TRAK1: variants seen among roughly 807,000 people sequenced by gnomAD.
TRAK1 encodes the protein trafficking kinesin-binding protein 1.
TRAK1 carries 33 observed loss-of-function variants against 92.1 expected under a neutral mutation model. That is an observed-to-expected ratio of 0.36 (90% CI 0.27 to 0.48). The LOEUF is 0.48. TRAK1 is among the 20% of genes least tolerant of loss of function. The pLI is 0.99. For missense variants in TRAK1, 1,123 were observed against 1,257.9 expected (o/e 0.89, Z 1.62); for synonymous variants, 521 against 517.3 (o/e 1.01, Z -0.10).
At chr3:42,102,040 T>C (rs1485030061) in intron 1 of TRAK1, among the ~76,000 whole-genome samples, 1 of 152,222 alleles carries the variant, frequency 6.6e-6, no homozygotes, top group African/African-American at 2.4e-5. Flanking sequence ...GGCTGGAGTG[T>C]AGTGATGCCA....
intron 1 of TRAK1, among the ~76,000 whole-genome samples, chr3:42,102,784 C>A (rs1706977073): frequency 1.3e-5 from 2 of 152,188 alleles, no homozygotes; most frequent in Admixed American, 1.3e-4. Flanking sequence ...TTTTTCACTG[C>A]TGGCATGTTT....
At chr3:42,029,305 CT>C (rs1375069798) in intron 1 of TRAK1, among the ~76,000 whole-genome samples, 1 of 152,210 alleles carries the variant, frequency 6.6e-6, no homozygotes, top group Non-Finnish European at 1.5e-5. Flanking sequence ...GCGGTGCAGT[CT>C]CAGCTCATGG....
intron 10 of TRAK1, among the ~76,000 whole-genome samples, chr3:42,196,069 G>T (rs934272079): frequency 4.6e-5 from 7 of 152,292 alleles, no homozygotes; most frequent in South Asian, 2.1e-4. Flanking sequence ...GAGAAAAGTC[G>T]AATTGAAATT....
At chr3:42,203,296 A>G (rs894423571) in intron 13 of TRAK1, 3 of 995,498 alleles carry the variant, frequency 3.0e-6, no homozygotes, top group South Asian at 9.4e-5. Context: ...TGGCAGATGC[A>G]GTATGTTCTG....
intron 1 of TRAK1, among the ~76,000 whole-genome samples, chr3:42,113,245 C>T (rs1016462715): frequency 3.9e-5 from 6 of 152,122 alleles, no homozygotes; most frequent in Non-Finnish European, 8.8e-5. Context: ...CCTATCTCTT[C>T]AAAACAAAAC....
At chr3:42,058,507 T>C (rs9827425) in intron 1 of TRAK1, among the ~76,000 whole-genome samples, 8,935 of 152,210 alleles carry the variant, frequency 0.059, 862 homozygotes, top group African/African-American at 0.2. Flanking sequence ...GCCCAGCTTA[T>C]TTTTTAATGT....
chr3:42,072,399 CGAA>C (rs544551883), intron 1 of TRAK1, among the ~76,000 whole-genome samples: 119 of 148,066 alleles, frequency 8.0e-4, no homozygotes, highest in African/African-American at 3.1e-3. Flanking sequence ...CCATTGTAAA[CGAA>C]GGAGGAGGCC....
At chr3:42,215,322 C>T (rs1709549804) in intron 14 of TRAK1, among the ~76,000 whole-genome samples, 1 of 152,210 alleles carries the variant, frequency 6.6e-6, no homozygotes, top group African/African-American at 2.4e-5. Flanking sequence ...CCCCTTTCCA[C>T]CCCTCAAGCA....
chr3:42,133,274 A>G (rs946459493), intron 2 of TRAK1, among the ~76,000 whole-genome samples: 7 of 152,110 alleles, frequency 4.6e-5, no homozygotes, highest in Admixed American at 2.0e-4. Flanking sequence ...TCCTTACCCT[A>G]TAGCAGCCCC....
chr3:42,105,729 A>T (rs1365619261), intron 1 of TRAK1, among the ~76,000 whole-genome samples: 1 of 152,184 alleles, frequency 6.6e-6, no homozygotes, highest in Non-Finnish European at 1.5e-5. Context: ...AGATTCACCA[A>T]AGTTGAAATG....
rs13099419 is a variant in TRAK1 at position 42,058,278 on chromosome 3, A to G, written c.-518-28826A>G. Among the ~76,000 whole-genome samples, 6 of 152,168 alleles carry G rather than the reference A, an allele frequency of 3.9e-5. No homozygotes were observed. In the East Asian group the frequency reaches 9.6e-4, roughly 24 times the overall value. The stretch of plus-strand genomic sequence containing the variant: ...TTTTGCCTTTAAATTTCATTTTATC[A>G]TGTTCATCTTTATTATGATAACTGA... On this transcript the variant is annotated intron_variant, in intron 1 of 16. Coordinates refer to the TRAK1 transcript ENST00000487159.
At chr3:42,045,996 T>C (rs1282771009) in intron 1 of TRAK1, among the ~76,000 whole-genome samples, 1 of 152,230 alleles carries the variant, frequency 6.6e-6, no homozygotes, top group Non-Finnish European at 1.5e-5. Context: ...ATCTGTTTAT[T>C]TGAGCTTTTT....
At chr3:42,137,730 T>G (rs1436134896) in intron 2 of TRAK1, among the ~76,000 whole-genome samples, 1 of 152,184 alleles carries the variant, frequency 6.6e-6, no homozygotes, top group East Asian at 1.9e-4. Flanking sequence ...TGGGTAACGC[T>G]GCTTTATAGT....
chr3:42,197,331 A>G (rs1706875755), intron 10 of TRAK1, among the ~76,000 whole-genome samples: 1 of 152,212 alleles, frequency 6.6e-6, no homozygotes, highest in Non-Finnish European at 1.5e-5. Context: ...TAACCTATGC[A>G]TGCCCTTCCA....
At position 42,165,852 on chromosome 3, in the gene TRAK1, G is replaced by A. The variant is rs970792392; in HGVS notation, c.287-10962G>A. ...GCTACCCCACGCAGGCCTCCTGTGG[G>A]GTCAGTCTCTCTGGGTGGTTCTCCT... On this transcript the variant is annotated intron_variant, in intron 2 of 15. Transcript: ENST00000327628. 2.0e-5 allele frequency among the ~76,000 whole-genome samples: 3 copies of A among 152,004 alleles called. No individual in the cohort carries two copies. The East Asian group carries it at 5.8e-4, about 29-fold the overall frequency.
At chr3:42,101,667 A>G (rs557853471) in intron 1 of TRAK1, among the ~76,000 whole-genome samples, 1 of 152,360 alleles carries the variant, frequency 6.6e-6, no homozygotes, top group African/African-American at 2.4e-5. Context: ...AGCCATAGAC[A>G]TTCCCTAGAG....
intron 2 of TRAK1, among the ~76,000 whole-genome samples, chr3:42,165,506 G>GAGAA (rs1701748766): frequency 2.0e-5 from 3 of 152,212 alleles, no homozygotes; most frequent in Admixed American, 2.0e-4. Context: ...CTGGGCTGCA[G>GAGAA]AGAAAGGACT....
chr3:42,212,159 G>A (rs917245096), intron 14 of TRAK1: 25 of 985,320 alleles, frequency 2.5e-5, no homozygotes, highest in Admixed American at 6.1e-5. Context: ...CTCTATGCCT[G>A]CAATCATGGA....
At chr3:42,041,549 A>G (rs943425509) in intron 1 of TRAK1, among the ~76,000 whole-genome samples, 1 of 149,226 alleles carries the variant, frequency 6.7e-6, no homozygotes, top group Admixed American at 6.7e-5. Context: ...AGATAATGTC[A>G]TGTACAAATG....
Sources: allele counts gnomAD v4.1 joint callset (sites outside exome capture counted in the v4.1 genomes callset), GRCh38; gene constraint gnomAD v4.1.1; transcripts MANE v1.5; gene names NCBI Gene and HGNC (gene_info 2026-07-23, HGNC 2026-07-21).